Variants in DIAPH2 observed in about 807,000 individuals in gnomAD.
The protein encoded by DIAPH2 is diaphanous related formin 2.
DIAPH2 carries 35 observed loss-of-function variants against 92.7 expected under a neutral mutation model. The ratio of observed to expected loss-of-function variants is 0.38; its 90% CI spans 0.29 to 0.50. The LOEUF is 0.50. Ranked by LOEUF, DIAPH2 falls within the 20% of genes least tolerant of loss-of-function variation. The probability of loss-of-function intolerance (pLI) is 0.94; values close to 1 mark genes in which losing one functional copy is unlikely to be tolerated. For synonymous variants in DIAPH2, 301 were observed against 280.4 expected, an observed-to-expected ratio of 1.07 and a Z score of -0.73; for missense variants, 701 against 819.5, an observed-to-expected ratio of 0.86 and a Z score of 1.77.
chrX:97,217,670 G>C (rs1234392461), intron 22 of DIAPH2, among the ~76,000 whole-genome samples: 1 of 112,231 alleles, frequency 8.9e-6, no homozygotes, highest in African/African-American at 3.2e-5. Flanking sequence ...TTTAAAGGCC[G>C]GGCGTGTTGG....
intron 5 of DIAPH2, among the ~76,000 whole-genome samples, chrX:96,892,598 T>C (rs949130599): frequency 8.9e-6 from 1 of 111,849 alleles, no homozygotes; most frequent in Non-Finnish European, 1.9e-5. Flanking sequence ...AACATAATTC[T>C]GACTTCGGCA....
chrX:97,553,557 A>T (rs1296562651), intron 26 of DIAPH2, among the ~76,000 whole-genome samples: 1 of 110,745 alleles, frequency 9.0e-6, no homozygotes, highest in Non-Finnish European at 1.9e-5. Context: ...AAAGTATTCA[A>T]GTCCAGTGTA....
At chrX:97,214,826 C>A (rs1259847699) in intron 22 of DIAPH2, among the ~76,000 whole-genome samples, 1 of 78,273 alleles carries the variant, frequency 1.3e-5, no homozygotes, top group African/African-American at 4.8e-5. Flanking sequence ...AGCAAAACTC[C>A]GTCTCAAATT....
Position 97,306,153 on chromosome X carries a change from A to G in DIAPH2, c.2845-41963A>G, listed in dbSNP as rs145283072. On this transcript the variant is annotated intron_variant, in intron 23 of 26. Transcript: ENST00000324765. ...CAGATCCAGATTGGCAGCAAATCCA[A>G]ACCCATCATTTCCTCTCTCCTTTTT... Among the ~76,000 whole-genome samples the G allele has an allele frequency of 2.6e-3, 293 of 111,701 alleles. 2 individuals carry two copies. The highest frequency in any genetic ancestry group is 9.2e-3 in the African/African-American group (284 of 30,788).
intron 26 of DIAPH2, among the ~76,000 whole-genome samples, chrX:97,436,093 C>T (rs768152223): frequency 1.7e-4 from 19 of 111,889 alleles, no homozygotes; most frequent in African/African-American, 6.2e-4. Context: ...GCGTGAGCCA[C>T]CGTGCCCAGC....
At chrX:96,784,464 T>C (rs1427132985) in intron 4 of DIAPH2, among the ~76,000 whole-genome samples, 5 of 111,721 alleles carry the variant, frequency 4.5e-5, no homozygotes, top group Admixed American at 9.6e-5. Flanking sequence ...AAAAGGTTCC[T>C]CTGTCCACTA....
chrX:96,759,775 A>G (rs2147600452), intron 4 of DIAPH2, among the ~76,000 whole-genome samples: 1 of 111,625 alleles, frequency 9.0e-6, no homozygotes, highest in South Asian at 3.7e-4. Context: ...TATAATGATT[A>G]TATGAAACTC....
intron 25 of DIAPH2, among the ~76,000 whole-genome samples, chrX:97,400,430 T>C (rs1048851992): frequency 1.8e-5 from 2 of 112,061 alleles, no homozygotes; most frequent in Non-Finnish European, 1.9e-5. Flanking sequence ...ATTGTACATA[T>C]TGACAGTGTA....
intron 3 of DIAPH2, among the ~76,000 whole-genome samples, chrX:96,750,672 A>G (rs1376886984): frequency 8.9e-6 from 1 of 112,616 alleles, no homozygotes; most frequent in Non-Finnish European, 1.9e-5. Flanking sequence ...AGTAGTTTAT[A>G]TATGTCATTA....
At chrX:97,319,392 T>C (rs996162918) in intron 23 of DIAPH2, among the ~76,000 whole-genome samples, 94 of 90,428 alleles carry the variant, frequency 1.0e-3, no homozygotes, top group African/African-American at 2.9e-3. Flanking sequence ...AAAATTCCCC[T>C]TTTTTTTTTT....
chrX:96,802,107 A>G (rs2064587057), intron 4 of DIAPH2, among the ~76,000 whole-genome samples: 1 of 112,215 alleles, frequency 8.9e-6, no homozygotes. Flanking sequence ...TGAGTTTTAC[A>G]TAAAATAAAT....
At chrX:96,892,054 A>G (rs1415644678) in intron 5 of DIAPH2, among the ~76,000 whole-genome samples, 1 of 112,232 alleles carries the variant, frequency 8.9e-6, no homozygotes, top group Non-Finnish European at 1.9e-5. Context: ...CTTGACAACA[A>G]TACAAATTAG....
intron 23 of DIAPH2, among the ~76,000 whole-genome samples, chrX:97,305,519 C>A (rs1347695671): frequency 9.9e-6 from 1 of 101,087 alleles, no homozygotes; most frequent in Non-Finnish European, 2.0e-5. Flanking sequence ...AAACAAAAAA[C>A]AACAATAACA....
At chrX:97,195,593 G>A (rs2067695096) in intron 22 of DIAPH2, among the ~76,000 whole-genome samples, 1 of 107,322 alleles carries the variant, frequency 9.3e-6, no homozygotes, top group African/African-American at 3.4e-5. Context: ...CCTGGGGGGT[G>A]GAGGTTGCAG....
intron 4 of DIAPH2, among the ~76,000 whole-genome samples, chrX:96,851,049 T>G (rs2065003338): frequency 9.0e-6 from 1 of 111,640 alleles, no homozygotes. Flanking sequence ...TAACATCTTT[T>G]GTTCCCTAGA....
rs191435802 is a variant in DIAPH2 at position 97,001,369 on chromosome X, G to A, written c.2050+36162G>A. The stretch of plus-strand genomic sequence containing the variant: ...GCTTTAAAACACAAAGCCAGTCCAG[G>A]TGCGGTGGCTCACGCCTGTAATCCC... On this transcript the variant is annotated intron_variant, in intron 17 of 26. Coordinates refer to ENST00000324765, the MANE Select transcript of DIAPH2 (RefSeq NM_006729.5). Among the ~76,000 whole-genome samples the A allele has an allele frequency of 1.3e-4, 15 of 112,289 alleles. No individual in the cohort carries two copies. The East Asian group carries it at 3.6e-3, about 27-fold the overall frequency.
intron 26 of DIAPH2, among the ~76,000 whole-genome samples, chrX:97,563,536 G>T (rs754025718): frequency 9.0e-6 from 1 of 111,335 alleles, no homozygotes; most frequent in East Asian, 2.8e-4. Context: ...TAATTACTCT[G>T]AGGCCTCAAT....
rs769269560 is a variant in DIAPH2, at chrX:96,773,237, TC to T, written c.447+14988del. ...GCTATGTGTTACCGGCTGAATTGTT[TC>T]CCCCCCCCTCCCGCCCTCCCCAAAT... is the stretch of plus-strand genomic sequence containing the variant. On this transcript the variant is annotated intron_variant, in intron 4 of 26. Coordinates refer to ENST00000324765, the MANE Select transcript of DIAPH2 (RefSeq NM_006729.5). Among the ~76,000 whole-genome samples, 176 of 82,100 alleles carry T rather than the reference TC, an allele frequency of 2.1e-3. 2 individuals carry two copies. In the East Asian group the frequency reaches 0.022, roughly 10 times the overall value. The allele number at this position is 82,100 out of a possible 115,157, so 71.3% of individuals were successfully genotyped here. A position where few individuals can be genotyped will look rare whatever the true frequency, so the allele number is the denominator to read the frequency against.
intron 22 of DIAPH2, among the ~76,000 whole-genome samples, chrX:97,244,252 T>C (rs2068121314): frequency 8.9e-6 from 1 of 111,879 alleles, no homozygotes; most frequent in Non-Finnish European, 1.9e-5. Context: ...GTAATTTCCC[T>C]GGGTTAAAAA....
Sources: allele counts gnomAD v4.1 joint callset (sites outside exome capture counted in the v4.1 genomes callset), GRCh38; gene constraint gnomAD v4.1.1; transcripts MANE v1.5; gene names NCBI Gene and HGNC (gene_info 2026-07-23, HGNC 2026-07-21).